Variants in MYO18A observed in about 807,000 individuals in gnomAD.
MYO18A encodes the protein unconventional myosin-XVIIIa.
In MYO18A, 78 loss-of-function variants were observed where a neutral mutation model predicts 235.8. The ratio of observed to expected loss-of-function variants is 0.33; its 90% CI spans 0.28 to 0.40. The LOEUF is 0.40. MYO18A is among the 10% of genes least tolerant of loss of function. The probability of loss-of-function intolerance (pLI) is 1.00; values close to 1 mark genes in which losing one functional copy is unlikely to be tolerated. For synonymous variants in MYO18A, 977 were observed against 1,077.8 expected (o/e 0.91, Z 1.83); for missense variants, 2,215 against 2,699.3 (o/e 0.82, Z 3.98).
At chr17:29,096,282 G>A (rs775478649) in intron 28 of MYO18A, among the ~76,000 whole-genome samples, 3 of 152,154 alleles carry the variant, frequency 2.0e-5, no homozygotes, top group Admixed American at 1.3e-4. Context: ...TCCCAGCCCC[G>A]GAAATTAATT....
In MYO18A at chr17:29,117,014, G is replaced by A. The variant is rs544118141; in HGVS notation, c.2039-559C>T. On this transcript the variant is annotated intron_variant, in intron 10 of 41. Transcript: ENST00000527372. This position sits in a 1 kb window ranked among gnomAD's most constrained non-coding sequence, Gnocchi z 4.6. ...GCCACTTCTTGGGGTCGCTCGCATG[G>A]AGCCTCACGCCTGGGCACCCATTCC... Among the ~76,000 whole-genome samples, 12 of 152,034 alleles carry A rather than the reference G, an allele frequency of 7.9e-5. No homozygotes were observed. Among genetic ancestry groups the A allele is most frequent in the African/African-American group, 2.7e-4 (11 of 41,460 alleles).
intron 3 of MYO18A, 82 bp from the exon 4 acceptor site, chr17:29,122,039 C>T: frequency 6.5e-7 from 1 of 1,533,770 alleles, no homozygotes; most frequent in Non-Finnish European, 9.0e-7. Context: ...CCTATCCTCC[C>T]CCCCACTGCA....
rs77716447 is a variant in MYO18A at position 29,164,398 on chromosome 17, C to T, written c.999+1544G>A. Among the ~76,000 whole-genome samples the T allele has an allele frequency of 1.5e-3, 225 of 152,300 alleles. 3 individuals carry two copies. The highest frequency in any genetic ancestry group is 5.2e-3 in the African/African-American group (218 of 41,560). ...AAAGCTGCCTAAACCCAGCTAGCTC[C>T]GGGTTAAAGGAAGGCCTGGAACCCA... On this transcript the variant is annotated intron_variant, in intron 2 of 41. Transcript: ENST00000527372.
intron 1 of MYO18A, among the ~76,000 whole-genome samples, chr17:29,169,097 G>A (rs1010908668): frequency 1.3e-5 from 2 of 151,950 alleles, no homozygotes; most frequent in Non-Finnish European, 2.9e-5. Context: ...TTGAACCCAG[G>A]AGGCAGAGGT....
At chr17:29,139,597 G>A (rs1385493664) in intron 2 of MYO18A, among the ~76,000 whole-genome samples, 1 of 152,184 alleles carries the variant, frequency 6.6e-6, no homozygotes, top group Non-Finnish European at 1.5e-5. Context: ...TGACACAACT[G>A]AAAACCTTAC....
At chr17:29,142,926 G>T (rs536602633) in intron 2 of MYO18A, among the ~76,000 whole-genome samples, 1 of 152,350 alleles carries the variant, frequency 6.6e-6, no homozygotes, top group East Asian at 1.9e-4. Context: ...TTGTGCCTCA[G>T]GCTCCTGTGT....
At chr17:29,114,791 A>G in intron 14 of MYO18A, 116 bp downstream of exon 14, 1 of 1,096,092 alleles carries the variant, frequency 9.1e-7, no homozygotes, top group Non-Finnish European at 1.3e-6. Context: ...TGCTCCAGAG[A>G]GCGCAGGAGG....
intron 1 of MYO18A, among the ~76,000 whole-genome samples, chr17:29,170,154 T>C (rs1190502682): frequency 1.3e-5 from 2 of 152,186 alleles, no homozygotes; most frequent in African/African-American, 4.8e-5. Flanking sequence ...CTAAGTCTCC[T>C]GTGGACACAG....
At chr17:29,077,513 C>T (rs1251929011) in intron 41 of MYO18A, 1 of 152,288 alleles carries the variant, frequency 6.6e-6, no homozygotes, top group South Asian at 2.1e-4. Flanking sequence ...CATCCCATGC[C>T]CCCACCCCAA....
At position 29,120,872 on chromosome 17, in the gene MYO18A, T is replaced by C. The variant is rs2067181196; in HGVS notation, c.1586-114A>G. 1 of 1,562,158 alleles carries C rather than the reference T, an allele frequency of 6.4e-7. No homozygotes were observed. The highest frequency in any genetic ancestry group is 1.2e-5 in the South Asian group (1 of 83,676). ...GGGCCATTCAGACCAGAACTGCCCG[T>C]GGACAGAGGGGTTTCGGGGGGATGG... On this transcript the variant is annotated intron_variant, in intron 6 of 41. Transcript: ENST00000527372. This position sits in a 1 kb window ranked among gnomAD's most constrained non-coding sequence, Gnocchi z 4.2.
intron 32 of MYO18A, 97 bp downstream of exon 32, chr17:29,093,226 A>G (rs76913951): frequency 0.015 from 18,193 of 1,197,886 alleles, 454 homozygotes; most frequent in African/African-American, 0.1. Context: ...CCCACCCCCG[A>G]CAGCTCTGTT....
rs1381358423 is a variant in MYO18A, at chr17:29,072,356, C to T, written c.*2414G>A. Reference sequence around the variant, plus strand: ...CCTGCTCAACATGGCGAAACCCCGTCTCTATTAAAAATACAAAAATTAGCC... The same window carrying T: ...CCTGCTCAACATGGCGAAACCCCGTTTCTATTAAAAATACAAAAATTAGCC... On this transcript the variant is annotated 3_prime_UTR_variant, in exon 42 of 42. Transcript: ENST00000527372. 2.6e-5 allele frequency: 4 copies of T among 152,048 alleles called. 1 individual carries two copies. Among genetic ancestry groups the T allele is most frequent in the African/African-American group, 9.7e-5 (4 of 41,364 alleles). 9.4% of individuals were successfully genotyped at this position (152,048 alleles called of 1,614,324 possible). A position where few individuals can be genotyped will look rare whatever the true frequency, so the allele number is the denominator to read the frequency against.
rs1278292332 is a variant in MYO18A, at chr17:29,140,182, A to G, written c.1000-17929T>C. Among the ~76,000 whole-genome samples, 1 of 152,138 alleles carries G rather than the reference A, an allele frequency of 6.6e-6. No homozygotes were observed. The highest frequency in any genetic ancestry group is 2.4e-5 in the African/African-American group (1 of 41,420). On this transcript the variant is annotated intron_variant, in intron 2 of 41. Transcript: ENST00000527372. This position sits in a 1 kb window ranked among gnomAD's most constrained non-coding sequence, Gnocchi z 4.2. ...GGGCTGAGTAACTCCCTTCTTACCA[A>G]GAAGCTCGGAGAGGAGCCCCAAGGC...
In MYO18A at chr17:29,126,299, A is replaced by AGGAGGAGGGACGG. The variant is rs202025668; in HGVS notation, c.1000-4059_1000-4047dup. On this transcript the variant is annotated intron_variant, in intron 2 of 41. Transcript: ENST00000527372. This position sits in a 1 kb window ranked among gnomAD's most constrained non-coding sequence, Gnocchi z 4.1. ...CAGCTCCCATCTCCTCCCTTGTGAG[A>AGGAGGAGGGACGG]GGAGGAGGGACGGGGAGGAGGGACG... is the stretch of plus-strand genomic sequence containing the variant. Among the ~76,000 whole-genome samples, 3 of 147,478 alleles carry AGGAGGAGGGACGG rather than the reference A, an allele frequency of 2.0e-5. No individual in the cohort carries two copies. Among genetic ancestry groups the AGGAGGAGGGACGG allele is most frequent in the Admixed American group, 6.7e-5 (1 of 14,898 alleles).
In MYO18A at chr17:29,119,949, C is replaced by T. The variant is rs117468912; in HGVS notation, c.1729-514G>A. Among the ~76,000 whole-genome samples, 517 of 152,166 alleles carry T rather than the reference C, an allele frequency of 3.4e-3. 3 individuals carry two copies. Among genetic ancestry groups the T allele is most frequent in the Non-Finnish European group, 5.3e-3 (357 of 67,994 alleles). ...GGAGTGCAGTGGCGCAATCACAGCT[C>T]GCTGCAGCCTTAACCTCCCAGGTTC... On this transcript the variant is annotated intron_variant, in intron 7 of 41. Transcript: ENST00000527372.
At position 29,116,721 on chromosome 17, in the gene MYO18A, A is replaced by ACCC. The variant is rs1292995037; in HGVS notation, c.2039-269_2039-267dup. Reference sequence around the variant, plus strand: ...TGCACATGTGTGTGTGCGCAAACACACCCTCCCCCCCCCCCCCCCCCCCCG... The same window carrying ACCC: ...TGCACATGTGTGTGTGCGCAAACACACCCCCCTCCCCCCCCCCCCCCCCCCCCG... On this transcript the variant is annotated intron_variant, in intron 10 of 41. Transcript: ENST00000527372. Among the ~76,000 whole-genome samples, 28 of 3,468 alleles carry ACCC rather than the reference A, an allele frequency of 8.1e-3. 2 individuals are homozygous for ACCC. Among genetic ancestry groups the ACCC allele is most frequent in the Non-Finnish European group, 0.015 (22 of 1,478 alleles). 2.3% of individuals were successfully genotyped at this position (3,468 alleles called of 152,430 possible).
At chr17:29,168,193 C>T (rs956199334) in intron 1 of MYO18A, among the ~76,000 whole-genome samples, 1 of 152,024 alleles carries the variant, frequency 6.6e-6, no homozygotes, top group African/African-American at 2.4e-5. Context: ...GGGTAGGGTC[C>T]ACTGGATAAA....
chr17:29,139,227 C>T (rs566213106), intron 2 of MYO18A, among the ~76,000 whole-genome samples: 13 of 152,324 alleles, frequency 8.5e-5, no homozygotes, highest in East Asian at 1.9e-4. Flanking sequence ...CCTCCTCCAA[C>T]GACTGAACCT....
chr17:29,088,049 ATTCT>A (rs2066299423), intron 37 of MYO18A, among the ~76,000 whole-genome samples: 2 of 146,078 alleles, frequency 1.4e-5, no homozygotes, highest in Non-Finnish European at 3.0e-5. Flanking sequence ...CAGAAAATAA[ATTCT>A]TTTTTTTTTT....
Sources: gnomAD v4.1 joint callset for allele counts (sites outside exome capture counted in the v4.1 genomes callset) on GRCh38, gnomAD v4.1.1 for gene constraint, Gnocchi (gnomAD v3.1) non-coding constraint, MANE v1.5 for transcripts, NCBI Gene and HGNC (gene_info 2026-07-23, HGNC 2026-07-21) for gene names.